Variants in DOCK3 observed in about 807,000 individuals in gnomAD.
DOCK3 encodes dedicator of cytokinesis 3.
A neutral mutation model predicts 265.6 loss-of-function variants in DOCK3; 60 were observed. That is an observed-to-expected ratio of 0.23 (90% CI 0.18 to 0.28). The LOEUF (loss-of-function observed/expected upper bound fraction) is 0.28. Among genes scored for constraint, DOCK3 ranks in the 10% least tolerant of loss-of-function variants. DOCK3 has a pLI of 1.00. For missense variants in DOCK3, 1,981 were observed against 2,594.3 expected, an observed-to-expected ratio of 0.76 and a Z score of 5.14; for synonymous variants, 881 against 938.0, an observed-to-expected ratio of 0.94 and a Z score of 1.11.
At chr3:51,126,833 G>A (rs1236033979) in intron 9 of DOCK3, among the ~76,000 whole-genome samples, 8 of 152,090 alleles carry the variant, frequency 5.3e-5, no homozygotes, top group Non-Finnish European at 8.8e-5. Context: ...CATGTCATGG[G>A]GGTTTGCTGT....
chr3:50,889,231 G>T (rs972622832), intron 3 of DOCK3, among the ~76,000 whole-genome samples: 1 of 151,774 alleles, frequency 6.6e-6, no homozygotes, highest in South Asian at 2.1e-4. Flanking sequence ...CTACAGGTGT[G>T]CACCACCACA....
intron 5 of DOCK3, among the ~76,000 whole-genome samples, chr3:50,937,094 T>A (rs150121185): frequency 4.4e-4 from 66 of 150,456 alleles, no homozygotes; most frequent in African/African-American, 1.5e-3. Context: ...CTGGCCAATG[T>A]GGTGAAACCC....
At chr3:50,822,465 T>C (rs1189360582) in intron 2 of DOCK3, among the ~76,000 whole-genome samples, 2 of 152,190 alleles carry the variant, frequency 1.3e-5, no homozygotes, top group East Asian at 1.9e-4. Context: ...TGAGAAATTA[T>C]ACAATAAAGA....
intron 3 of DOCK3, among the ~76,000 whole-genome samples, chr3:50,851,945 G>A (rs2107395325): frequency 6.6e-6 from 1 of 152,346 alleles, no homozygotes; most frequent in South Asian, 2.1e-4. Context: ...CTGGAAAACT[G>A]TATGCATCTT....
intron 5 of DOCK3, among the ~76,000 whole-genome samples, chr3:51,045,994 G>A (rs1017316956): frequency 1.3e-5 from 2 of 152,056 alleles, no homozygotes; most frequent in African/African-American, 4.8e-5. Context: ...TGTAGTTTTA[G>A]TATGCAATTG....
At chr3:51,107,482 T>C (rs1052286610) in intron 9 of DOCK3, among the ~76,000 whole-genome samples, 1 of 152,054 alleles carries the variant, frequency 6.6e-6, no homozygotes, top group Non-Finnish European at 1.5e-5. Context: ...ATACAGGAGC[T>C]GACAGACGAA....
At chr3:51,213,849 G>T (rs773919427) in intron 13 of DOCK3, among the ~76,000 whole-genome samples, 1 of 152,118 alleles carries the variant, frequency 6.6e-6, no homozygotes, top group Admixed American at 6.5e-5. Flanking sequence ...CTAGTTGGAC[G>T]CTGGGGAACA....
chr3:50,801,119 C>T (rs1332849630), intron 2 of DOCK3, among the ~76,000 whole-genome samples: 1 of 151,888 alleles, frequency 6.6e-6, no homozygotes, highest in Non-Finnish European at 1.5e-5. Flanking sequence ...TTCTTCTCAG[C>T]AAGGCAATTT....
At chr3:51,189,427 T>C (rs539310591) in intron 12 of DOCK3, among the ~76,000 whole-genome samples, 1 of 152,268 alleles carries the variant, frequency 6.6e-6, no homozygotes, top group East Asian at 1.9e-4. Context: ...ACCCTCCCCT[T>C]TCTGAGTCTC....
rs529479175 is a variant in DOCK3, at chr3:50,722,693, T to C, written c.37+47393T>C. On this transcript the variant is annotated intron_variant, in intron 1 of 52. Coordinates refer to ENST00000266037, the MANE Select transcript of DOCK3 (RefSeq NM_004947.5). ...ATTAGCAAATAGGGGACTTTAGTAT[T>C]GTAATAAATATACTAAAGCCTGTAG... 4.6e-5 allele frequency among the ~76,000 whole-genome samples: 7 copies of C among 152,072 alleles called. No homozygotes were observed. The South Asian group carries it at 1.5e-3, about 32-fold the overall frequency.
intron 10 of DOCK3, among the ~76,000 whole-genome samples, chr3:51,155,786 T>C (rs1169037413): frequency 1.3e-5 from 2 of 152,198 alleles, no homozygotes; most frequent in Non-Finnish European, 2.9e-5. Context: ...TTTGCTGACT[T>C]TCATGCTAAA....
At chr3:50,991,903 T>C (rs1338039457) in intron 5 of DOCK3, among the ~76,000 whole-genome samples, 1 of 152,118 alleles carries the variant, frequency 6.6e-6, no homozygotes, top group Non-Finnish European at 1.5e-5. Context: ...TCTTCAATCA[T>C]AGTGCAGTAA....
chr3:51,039,845 A>C (rs2080410394), intron 5 of DOCK3, among the ~76,000 whole-genome samples: 2 of 143,290 alleles, frequency 1.4e-5, no homozygotes, highest in Admixed American at 6.9e-5. Flanking sequence ...AAATGTAATC[A>C]CCCTCGGGTT....
intron 12 of DOCK3, among the ~76,000 whole-genome samples, chr3:51,201,693 C>T (rs1330671221): frequency 6.6e-6 from 1 of 152,188 alleles, no homozygotes; most frequent in Admixed American, 6.5e-5. Context: ...CTACAGAACT[C>T]TCCACCCCAA....
chr3:51,151,815 G>T (rs1297186822), intron 10 of DOCK3, among the ~76,000 whole-genome samples: 1 of 152,092 alleles, frequency 6.6e-6, no homozygotes, highest in Non-Finnish European at 1.5e-5. Flanking sequence ...AGAATGTTCA[G>T]TAGTGGCCCC....
intron 2 of DOCK3, among the ~76,000 whole-genome samples, chr3:50,821,139 T>C (rs939363043): frequency 3.4e-5 from 5 of 146,950 alleles, no homozygotes; most frequent in Non-Finnish European, 7.5e-5. Context: ...CTTTCTTTTT[T>C]CTTTTTTTTT....
chr3:50,976,107 T>A (rs1321713952), intron 5 of DOCK3, among the ~76,000 whole-genome samples: 1 of 149,230 alleles, frequency 6.7e-6, no homozygotes, highest in African/African-American at 2.5e-5. Context: ...CTGGATTCAT[T>A]AATTTTTTGA....
At chr3:51,188,406 G>A (rs1576355558) in intron 12 of DOCK3, among the ~76,000 whole-genome samples, 1 of 152,156 alleles carries the variant, frequency 6.6e-6, no homozygotes, top group Non-Finnish European at 1.5e-5. Context: ...AGGTACATGA[G>A]GGATTTCGTT....
chr3:50,827,217 T>C (rs1471902226), intron 2 of DOCK3, among the ~76,000 whole-genome samples: 1 of 152,176 alleles, frequency 6.6e-6, no homozygotes, highest in African/African-American at 2.4e-5. Context: ...AAGGAAAATG[T>C]GTGTTATATG....
Sources: allele counts gnomAD v4.1 joint callset (sites outside exome capture counted in the v4.1 genomes callset), GRCh38; gene constraint gnomAD v4.1.1; transcripts MANE v1.5; gene names NCBI Gene and HGNC (gene_info 2026-07-23, HGNC 2026-07-21).